Variants in RAB31 observed in about 807,000 individuals in gnomAD.
The protein encoded by RAB31 is RAB31, member RAS oncogene family.
A neutral mutation model predicts 25.6 loss-of-function variants in RAB31; 21 were observed. The ratio of observed to expected loss-of-function variants is 0.82; its 90% confidence interval spans 0.58 to 1.18. The LOEUF is 1.18. Ranked by LOEUF, RAB31 falls within the 50% of genes most tolerant of loss-of-function variation. RAB31 has a pLI of 0.00. For missense variants in RAB31, 196 were observed against 250.1 expected, an observed-to-expected ratio of 0.78 and a Z score of 1.46; for synonymous variants, 87 against 84.0, an observed-to-expected ratio of 1.04 and a Z score of -0.20.
At chr18:9,734,776 G>T (rs2045232) in intron 1 of RAB31, 89,706 of 161,218 alleles carry the variant, frequency 0.56, 25,273 homozygotes, top group African/African-American at 0.62. Context: ...CTTTTTGTTT[G>T]GTTTTGTTTT....
intron 1 of RAB31, among the ~76,000 whole-genome samples, chr18:9,748,110 C>T (rs1177052193): frequency 6.6e-6 from 1 of 152,162 alleles, no homozygotes; most frequent in Admixed American, 6.5e-5. Context: ...GGTGGCGTAT[C>T]TCGCAGAAGC....
chr18:9,731,095 A>G (rs1039955052), intron 1 of RAB31, among the ~76,000 whole-genome samples: 5 of 152,140 alleles, frequency 3.3e-5, no homozygotes, highest in African/African-American at 7.2e-5. Flanking sequence ...GCTGTTTCAC[A>G]TAGCTGCATA....
chr18:9,848,011 T>G (rs2068770163), intron 6 of RAB31, among the ~76,000 whole-genome samples: 1 of 152,234 alleles, frequency 6.6e-6, no homozygotes, highest in South Asian at 2.1e-4. Flanking sequence ...CATGGGTAAT[T>G]ATGGTTTCAA....
intron 2 of RAB31, among the ~76,000 whole-genome samples, chr18:9,780,791 A>G (rs2068399318): frequency 6.6e-6 from 1 of 152,114 alleles, no homozygotes; most frequent in African/African-American, 2.4e-5. Flanking sequence ...TTAGCCAGGC[A>G]TGGTGGTGCA....
chr18:9,833,520 C>T (rs1260591539), intron 5 of RAB31, among the ~76,000 whole-genome samples: 2 of 152,182 alleles, frequency 1.3e-5, no homozygotes, highest in Admixed American at 6.5e-5. Context: ...TACTTTTGCT[C>T]GATCTCTTGT....
At chr18:9,737,387 A>C (rs971049820) in intron 1 of RAB31, among the ~76,000 whole-genome samples, 1 of 152,176 alleles carries the variant, frequency 6.6e-6, no homozygotes, top group Non-Finnish European at 1.5e-5. Flanking sequence ...ATAAATGTAT[A>C]GTTATGTAGA....
chr18:9,796,104 T>C (rs1471945424), intron 3 of RAB31, among the ~76,000 whole-genome samples: 2 of 152,166 alleles, frequency 1.3e-5, no homozygotes, highest in East Asian at 1.9e-4. Flanking sequence ...CTGGATGCAA[T>C]TGGAGACCAT....
rs562210733 is a variant in RAB31 at position 9,809,038 on chromosome 18, G to GT, written c.202-4982_202-4981insT. Among the ~76,000 whole-genome samples the GT allele has an allele frequency of 2.2e-4, 34 of 152,314 alleles. No individual in the cohort carries two copies. In the South Asian group the frequency reaches 7.1e-3, roughly 32 times the overall value. The stretch of plus-strand genomic sequence containing the variant: ...TAAGACTTTCCACTGTGCTGCTGAG[G>GT]GGTGTGTGTGTGTGTGTGCGCGCGC... On this transcript the variant is annotated intron_variant, in intron 3 of 6. Transcript: ENST00000578921.
At chr18:9,838,165 C>T (rs2068714571) in intron 5 of RAB31, among the ~76,000 whole-genome samples, 1 of 152,158 alleles carries the variant, frequency 6.6e-6, no homozygotes, top group African/African-American at 2.4e-5. Flanking sequence ...AAATGTCCAC[C>T]CAGCCTGGTG....
chr18:9,852,676 C>A (rs1001371180), intron 6 of RAB31, among the ~76,000 whole-genome samples: 1 of 151,242 alleles, frequency 6.6e-6, no homozygotes, highest in Admixed American at 6.6e-5. Flanking sequence ...GGATTGTTTT[C>A]AGTTTTGGGT....
At chr18:9,725,532 ATAACT>A (rs1487998647) in intron 1 of RAB31, among the ~76,000 whole-genome samples, 2 of 152,226 alleles carry the variant, frequency 1.3e-5, no homozygotes, top group Non-Finnish European at 2.9e-5. Flanking sequence ...AATGCACATA[ATAACT>A]TAACTGTGCC....
Position 9,861,234 on chromosome 18 carries a change from G to C in RAB31, c.*1909G>C, listed in dbSNP as rs1187225235. On this transcript the variant is annotated 3_prime_UTR_variant, in exon 7 of 7. Coordinates refer to ENST00000578921, the MANE Select transcript of RAB31 (RefSeq NM_006868.4). ...GGGTTTATCTCTAGATAGCTGTTCAGGTTTTTTAGCTGAGGGGTAAGTATC... is the reference window on the plus strand; with the variant it reads ...GGGTTTATCTCTAGATAGCTGTTCACGTTTTTTAGCTGAGGGGTAAGTATC... The C allele has an allele frequency of 6.6e-6, 1 of 152,112 alleles. No individual in the cohort carries two copies. Among genetic ancestry groups the C allele is most frequent in the African/African-American group, 2.4e-5 (1 of 41,404 alleles). The allele number at this position is 152,112 out of a possible 1,614,324, so 9.4% of individuals were successfully genotyped here.
chr18:9,807,255 G>T (rs1441767370), intron 3 of RAB31, among the ~76,000 whole-genome samples: 1 of 152,120 alleles, frequency 6.6e-6, no homozygotes, highest in African/African-American at 2.4e-5. Flanking sequence ...GCCTCCTCAG[G>T]GCTGTGCAGC....
At chr18:9,748,298 A>G (rs2068215632) in intron 1 of RAB31, among the ~76,000 whole-genome samples, 1 of 151,876 alleles carries the variant, frequency 6.6e-6, no homozygotes, top group African/African-American at 2.4e-5. Context: ...GGAGTTGGAG[A>G]CCAGCCTGGA....
At chr18:9,779,652 T>C (rs1298793544) in intron 2 of RAB31, among the ~76,000 whole-genome samples, 1 of 152,194 alleles carries the variant, frequency 6.6e-6, no homozygotes, top group East Asian at 1.9e-4. Context: ...AATTTATTAG[T>C]TCTTTATCTG....
chr18:9,824,058 A>G (rs2068636711), intron 5 of RAB31, among the ~76,000 whole-genome samples: 1 of 152,262 alleles, frequency 6.6e-6, no homozygotes, highest in Admixed American at 6.5e-5. Flanking sequence ...TCTAAACCCC[A>G]GACCTTATTC....
At chr18:9,795,330 GCAAAGGAATCATGAC>G (rs529737897) in intron 3 of RAB31, among the ~76,000 whole-genome samples, 412 of 152,226 alleles carry the variant, frequency 2.7e-3, no homozygotes, top group African/African-American at 9.6e-3. Flanking sequence ...ATTGACTTAG[GCAAAGGAATCATGAC>G]CAAAAACCCA....
intron 2 of RAB31, among the ~76,000 whole-genome samples, chr18:9,790,552 G>A (rs1193322212): frequency 6.6e-6 from 1 of 152,092 alleles, no homozygotes; most frequent in African/African-American, 2.4e-5. Flanking sequence ...ATATTTTAAA[G>A]CTGTTTTCCC....
At chr18:9,786,961 C>T (rs1173412180) in intron 2 of RAB31, 2 of 154,084 alleles carry the variant, frequency 1.3e-5, no homozygotes, top group East Asian at 3.9e-4. Context: ...ACAAGAGTGC[C>T]TCAAAAAAAA....
Sources: allele counts gnomAD v4.1 joint callset (sites outside exome capture counted in the v4.1 genomes callset), GRCh38; gene constraint gnomAD v4.1.1; transcripts MANE v1.5; gene names NCBI Gene and HGNC (gene_info 2026-07-23, HGNC 2026-07-21).